Variants in TFCP2 observed in about 807,000 individuals in gnomAD.
TFCP2 encodes the protein alpha-globin transcription factor CP2.
In TFCP2, 33 loss-of-function variants were observed where a neutral mutation model predicts 73.4. That is an observed-to-expected ratio of 0.45 (90% CI 0.34 to 0.60). The LOEUF is 0.60. Among genes scored for constraint, TFCP2 ranks in the 20% least tolerant of loss-of-function variants. The pLI is 0.01. For synonymous variants in TFCP2, 193 were observed against 211.6 expected (o/e 0.91, Z 0.76); for missense variants, 352 against 604.0 (o/e 0.58, Z 4.37).
chr12:51,170,680 TC>T (rs200107724), intron 1 of TFCP2, among the ~76,000 whole-genome samples: 1 of 150,924 alleles, frequency 6.6e-6, no homozygotes, highest in South Asian at 2.1e-4. Context: ...TTAAATTCTC[TC>T]CCCCTTTTTT....
chr12:51,118,797 T>C, intron 1 of TFCP2, 25 bp from the exon 2 acceptor site: 1 of 1,612,184 alleles, frequency 6.2e-7, no homozygotes, highest in African/African-American at 1.3e-5. Context: ...ATGACTCACA[T>C]TAATACCTGG....
chr12:51,106,028 T>G (rs1176626433), intron 8 of TFCP2, among the ~76,000 whole-genome samples: 1 of 152,228 alleles, frequency 6.6e-6, no homozygotes, highest in Non-Finnish European at 1.5e-5. Context: ...ATTCCAAAAC[T>G]TCATTTTAGC....
chr12:51,130,724 C>T (rs1308214112), intron 1 of TFCP2, among the ~76,000 whole-genome samples: 1 of 152,258 alleles, frequency 6.6e-6, no homozygotes, highest in Admixed American at 6.5e-5. Context: ...CGATGGCTCA[C>T]GCCTGTATTC....
At chr12:51,152,993 C>T (rs1446913032) in intron 1 of TFCP2, among the ~76,000 whole-genome samples, 2 of 152,158 alleles carry the variant, frequency 1.3e-5, no homozygotes, top group African/African-American at 4.8e-5. Context: ...GTGATACTTT[C>T]GCAGCTAGCT....
intron 1 of TFCP2, among the ~76,000 whole-genome samples, chr12:51,158,642 C>A (rs1465085522): frequency 6.6e-6 from 1 of 151,870 alleles, no homozygotes; most frequent in African/African-American, 2.4e-5. Flanking sequence ...GCATGAGCCA[C>A]CATGCCCAGC....
chr12:51,140,805 C>T (rs949406754), intron 1 of TFCP2, among the ~76,000 whole-genome samples: 2 of 151,628 alleles, frequency 1.3e-5, no homozygotes, highest in Non-Finnish European at 2.9e-5. Context: ...CCTGTAATCG[C>T]AGCATTTTGG....
chr12:51,166,727 T>C (rs538595042), intron 1 of TFCP2, among the ~76,000 whole-genome samples: 4 of 152,304 alleles, frequency 2.6e-5, no homozygotes, highest in African/African-American at 9.6e-5. Context: ...TAGACCACCC[T>C]GCGTCCTACC....
chr12:51,157,122 T>A (rs1941552968), intron 1 of TFCP2: 1 of 152,078 alleles, frequency 6.6e-6, no homozygotes. Context: ...TTCAAGTGAT[T>A]CTCCTGCCTC....
At chr12:51,107,560 G>A (rs11169706) in intron 6 of TFCP2, among the ~76,000 whole-genome samples, 1 of 152,020 alleles carries the variant, frequency 6.6e-6, no homozygotes, top group African/African-American at 2.4e-5. Flanking sequence ...GACATGGAAA[G>A]ATCTCTAAAG....
intron 1 of TFCP2, among the ~76,000 whole-genome samples, chr12:51,145,929 G>A (rs1238580337): frequency 6.6e-6 from 1 of 151,906 alleles, no homozygotes; most frequent in Non-Finnish European, 1.5e-5. Context: ...CAGCCTGGTC[G>A]ACAGAGCAAG....
chr12:51,165,784 A>T (rs1305833239), intron 1 of TFCP2, among the ~76,000 whole-genome samples: 1 of 152,208 alleles, frequency 6.6e-6, no homozygotes, highest in Non-Finnish European at 1.5e-5. Flanking sequence ...ACCACAATAA[A>T]CACACACATA....
At position 51,170,343 on chromosome 12, in the gene TFCP2, C is replaced by T. The variant is rs6580798; in HGVS notation, c.122+1958G>A. ...ATTTTTCTTAATTTTTAAAATCTTTCTTTTTTTTTAATTTTAAGAGATGAG... is the reference window on the plus strand; with the variant it reads ...ATTTTTCTTAATTTTTAAAATCTTTTTTTTTTTTTAATTTTAAGAGATGAG... On this transcript the variant is annotated intron_variant, in intron 1 of 14. Coordinates refer to ENST00000257915, the MANE Select transcript of TFCP2 (RefSeq NM_005653.5). 6.0e-3 allele frequency among the ~76,000 whole-genome samples: 886 copies of T among 147,200 alleles called. 8 individuals are homozygous for T. The highest frequency in any genetic ancestry group is 0.021 in the African/African-American group (815 of 39,508).
intron 9 of TFCP2, 83 bp from the exon 10 acceptor site, chr12:51,103,846 A>C: frequency 1.9e-6 from 2 of 1,042,674 alleles, no homozygotes; most frequent in Non-Finnish European, 2.9e-6. Context: ...AACACCCCAC[A>C]CAACCCCATA....
chr12:51,109,059 T>C, intron 6 of TFCP2, 62 bp downstream of exon 6: 2 of 1,549,512 alleles, frequency 1.3e-6, no homozygotes. Context: ...ACTTGGTAAC[T>C]AATGTTAAAA....
intron 6 of TFCP2, among the ~76,000 whole-genome samples, chr12:51,108,733 AG>A (rs1187030289): frequency 1.3e-5 from 2 of 152,332 alleles, no homozygotes; most frequent in Admixed American, 6.5e-5. Context: ...ACTGCACTCC[AG>A]CCTGGGTGAC....
At chr12:51,113,686 T>C (rs1251811559) in intron 4 of TFCP2, among the ~76,000 whole-genome samples, 1 of 152,130 alleles carries the variant, frequency 6.6e-6, no homozygotes, top group Non-Finnish European at 1.5e-5. Flanking sequence ...AATAGTGAGG[T>C]ATAGGCATAA....
At chr12:51,151,586 G>A (rs1592831878) in intron 1 of TFCP2, among the ~76,000 whole-genome samples, 1 of 152,048 alleles carries the variant, frequency 6.6e-6, no homozygotes, top group African/African-American at 2.4e-5. Flanking sequence ...ACAGGCGCCC[G>A]CCACCACGCC....
intron 1 of TFCP2, among the ~76,000 whole-genome samples, chr12:51,167,255 AT>A (rs1941774205): frequency 6.6e-6 from 1 of 152,228 alleles, no homozygotes; most frequent in African/African-American, 2.4e-5. Flanking sequence ...AAATTAATAG[AT>A]TTGAAGATGA....
At chr12:51,108,295 AAAG>A (rs1300329368) in intron 6 of TFCP2, among the ~76,000 whole-genome samples, 1 of 151,050 alleles carries the variant, frequency 6.6e-6, no homozygotes, top group Admixed American at 6.6e-5. Flanking sequence ...CAAAAAAAAA[AAAG>A]AAGAGGGAAG....
Sources: allele counts gnomAD v4.1 joint callset (sites outside exome capture counted in the v4.1 genomes callset), GRCh38; gene constraint gnomAD v4.1.1; transcripts MANE v1.5; gene names NCBI Gene and HGNC (gene_info 2026-07-23, HGNC 2026-07-21).